PRKN: variants seen among roughly 807,000 people sequenced by gnomAD.
PRKN encodes E3 ubiquitin-protein ligase parkin.
Under a neutral mutation model 59.5 loss-of-function variants are expected in PRKN, and 56 were observed. The ratio of observed to expected loss-of-function variants is 0.94; its 90% CI spans 0.76 to 1.18. The LOEUF (loss-of-function observed/expected upper bound fraction) is 1.18, where lower values mean the gene tolerates loss of function less well. Among genes scored for constraint, PRKN ranks in the 50% most tolerant of loss-of-function variants. The pLI, the probability that PRKN is intolerant of heterozygous loss-of-function variation, is 0.00. For missense variants in PRKN, 657 were observed against 596.4 expected, an observed-to-expected ratio of 1.10 and a Z score of -1.06; for synonymous variants, 250 against 222.1, an observed-to-expected ratio of 1.13 and a Z score of -1.12.
intron 4 of PRKN, among the ~76,000 whole-genome samples, chr6:162,189,815 G>A (rs1001956039): frequency 6.6e-6 from 1 of 151,942 alleles, no homozygotes; most frequent in Admixed American, 6.6e-5. Context: ...ATCCTATTCA[G>A]AGACAAAGAC....
intron 3 of PRKN, among the ~76,000 whole-genome samples, chr6:162,253,925 G>C (rs896851633): frequency 6.6e-6 from 1 of 152,044 alleles, no homozygotes; most frequent in Non-Finnish European, 1.5e-5. Flanking sequence ...GTGACTTTAT[G>C]TTCTTTGTAA....
At chr6:162,107,077 AG>A (rs1780220436) in intron 4 of PRKN, among the ~76,000 whole-genome samples, 1 of 152,216 alleles carries the variant, frequency 6.6e-6, no homozygotes, top group Non-Finnish European at 1.5e-5. Flanking sequence ...TAGGGTTAGA[AG>A]AAAAAAATGG....
intron 2 of PRKN, among the ~76,000 whole-genome samples, chr6:162,388,894 T>G (rs1289315795): frequency 6.6e-6 from 1 of 151,246 alleles, no homozygotes; most frequent in Non-Finnish European, 1.5e-5. Context: ...ACTGAAAGAC[T>G]TACCCACTGT....
At chr6:162,629,812 G>A (rs1455055567) in intron 1 of PRKN, among the ~76,000 whole-genome samples, 1 of 152,090 alleles carries the variant, frequency 6.6e-6, no homozygotes, top group African/African-American at 2.4e-5. Context: ...TTTTGTCACA[G>A]AATCTAGAAT....
At chr6:162,400,411 A>G (rs1321459588) in intron 2 of PRKN, among the ~76,000 whole-genome samples, 1 of 150,898 alleles carries the variant, frequency 6.6e-6, no homozygotes, top group Non-Finnish European at 1.5e-5. Context: ...ATGTGGAGAA[A>G]TAAATCAGAC....
At chr6:162,514,587 A>T (rs1007728736) in intron 1 of PRKN, among the ~76,000 whole-genome samples, 12 of 152,194 alleles carry the variant, frequency 7.9e-5, no homozygotes, top group African/African-American at 2.9e-4. Flanking sequence ...AACACAGCAC[A>T]AAAAGATAAA....
rs549162952 is a variant in PRKN at position 161,588,458 on chromosome 6, G to A, written c.872-19042C>T. Among the ~76,000 whole-genome samples, 6 of 152,124 alleles carry A rather than the reference G, an allele frequency of 3.9e-5. No individual in the cohort carries two copies. The South Asian group carries it at 1.2e-3, about 32-fold the overall frequency. On this transcript the variant is annotated intron_variant, in intron 7 of 11. Transcript: ENST00000366898. The surrounding 1 kb of genome is among the most constrained non-coding windows in gnomAD (Gnocchi z 5.0). ...TCTAACTCATTCTGTGCCTCATTCA[G>A]TAAAAGGCTATGAAGCAATTTAAGG...
chr6:162,709,848 AT>A (rs939245227), intron 1 of PRKN, among the ~76,000 whole-genome samples: 40 of 143,568 alleles, frequency 2.8e-4, no homozygotes, highest in African/African-American at 1.0e-3. Flanking sequence ...ATATAAAAAA[AT>A]CTCCCTGGAA....
Position 161,815,151 on chromosome 6 carries a change from A to T in PRKN, c.735-29243T>A, listed in dbSNP as rs535754440. ...GCCAGGTATGCCTGTGCAGTATACA[A>T]CCTACACAACTGCAAGTGGCAGCCG... On this transcript the variant is annotated intron_variant, in intron 6 of 11. Transcript: ENST00000366898. Among the ~76,000 whole-genome samples, 331 of 152,228 alleles carry T rather than the reference A, an allele frequency of 2.2e-3. 1 individual carries two copies. Among genetic ancestry groups the T allele is most frequent in the Non-Finnish European group, 3.6e-3 (247 of 68,004 alleles).
At position 162,360,590 on chromosome 6, in the gene PRKN, A is replaced by G. The variant is rs1785092100; in HGVS notation, c.171+82720T>C. ...TAAAATAAGTCATTTGTTCTTTAAA[A>G]AACAAACAAAAAAACCAAAAAACAA... On this transcript the variant is annotated intron_variant, in intron 2 of 11. Transcript: ENST00000366898. 3.3e-5 allele frequency among the ~76,000 whole-genome samples: 5 copies of G among 152,276 alleles called. No homozygotes were observed. The South Asian group carries it at 1.0e-3, about 32-fold the overall frequency.
chr6:161,501,934 G>A (rs750378629), intron 9 of PRKN, among the ~76,000 whole-genome samples: 2 of 152,122 alleles, frequency 1.3e-5, no homozygotes, highest in South Asian at 2.1e-4. Flanking sequence ...TCTAAGATGC[G>A]GCTGTTCTGG....
At chr6:162,353,370 T>C (rs1784703180) in intron 2 of PRKN, among the ~76,000 whole-genome samples, 1 of 151,470 alleles carries the variant, frequency 6.6e-6, no homozygotes, top group Admixed American at 6.6e-5. Flanking sequence ...AAAAAAAAAA[T>C]GAAATTGAGT....
intron 2 of PRKN, among the ~76,000 whole-genome samples, chr6:162,315,217 G>A (rs759916175): frequency 3.9e-5 from 6 of 152,066 alleles, no homozygotes; most frequent in Admixed American, 6.6e-5. Context: ...TCTAACGACC[G>A]ACTTCCTATG....
At chr6:162,150,417 T>A (rs1782219811) in intron 4 of PRKN, among the ~76,000 whole-genome samples, 1 of 152,188 alleles carries the variant, frequency 6.6e-6, no homozygotes, top group African/African-American at 2.4e-5. Context: ...GGGCAGAATC[T>A]TCCTCTGCTC....
At chr6:161,775,269 G>A (rs762783751) in intron 7 of PRKN, among the ~76,000 whole-genome samples, 1 of 151,448 alleles carries the variant, frequency 6.6e-6, no homozygotes, top group Non-Finnish European at 1.5e-5. Context: ...TTAAGACAGG[G>A]TCTCACTCAG....
rs79935062 is a variant in PRKN at position 161,560,914 on chromosome 6, G to A, written c.933+8441C>T. Among the ~76,000 whole-genome samples the A allele has an allele frequency of 8.5e-5, 13 of 152,268 alleles. 1 individual carries two copies. The highest frequency in any genetic ancestry group is 3.9e-4 in the East Asian group (2 of 5,172). On this transcript the variant is annotated intron_variant, in intron 8 of 11. Transcript: ENST00000366898. The surrounding 1 kb of genome is among the most constrained non-coding windows in gnomAD (Gnocchi z 4.9). ...CATTGCCTGGAAAACACAGATTTCC[G>A]TGGTCTTCTTTATCTGATGGCAAAA...
chr6:162,490,752 G>A (rs1044083986), intron 1 of PRKN, among the ~76,000 whole-genome samples: 1 of 152,190 alleles, frequency 6.6e-6, no homozygotes, highest in African/African-American at 2.4e-5. Context: ...TGCCTACAAA[G>A]TTTAAATGGA....
intron 1 of PRKN, chr6:162,569,707 C>A (rs551583449): frequency 5.1e-6 from 3 of 585,514 alleles, no homozygotes; most frequent in South Asian, 3.3e-5. Flanking sequence ...TATCCGAGTC[C>A]TCTGATGTCC....
rs11355851 is a variant in PRKN, at chr6:162,340,147, T to TAAA, written c.172-77385_172-77383dup. Among the ~76,000 whole-genome samples, 231 of 144,604 alleles carry TAAA rather than the reference T, an allele frequency of 1.6e-3. 2 individuals carry two copies. Among genetic ancestry groups the TAAA allele is most frequent in the African/African-American group, 4.8e-3 (190 of 39,714 alleles). The allele number at this position is 144,604 out of a possible 152,430, so 94.9% of individuals were successfully genotyped here. A position where few individuals can be genotyped will look rare whatever the true frequency, so the allele number is the denominator to read the frequency against. On this transcript the variant is annotated intron_variant, in intron 2 of 11. Coordinates refer to ENST00000366898, the MANE Select transcript of PRKN (RefSeq NM_004562.3). Reference sequence around the variant, plus strand: ...AAGAATTATCAATAAAAAAATAAATTAAAAAAAAAAAAAGTAGTCTCTGAT... The same window carrying TAAA: ...AAGAATTATCAATAAAAAAATAAATTAAAAAAAAAAAAAAAAGTAGTCTCTGAT...
Sources: allele counts gnomAD v4.1 joint callset (sites outside exome capture counted in the v4.1 genomes callset), GRCh38; gene constraint gnomAD v4.1.1; non-coding constraint Gnocchi (gnomAD v3.1); transcripts MANE v1.5; gene names NCBI Gene and HGNC (gene_info 2026-07-23, HGNC 2026-07-21).